The following IGFBP7 variants were observed in gnomAD, a reference collection of about 807,000 sequenced individuals.
IGFBP7 encodes insulin like growth factor binding protein 7.
In IGFBP7, 31 loss-of-function variants were observed where a neutral mutation model predicts 29.4. The observed-to-expected ratio is 1.05, with a 90% CI of 0.79 to 1.42. The LOEUF is 1.42. IGFBP7 is among the 40% of genes most tolerant of loss of function. The pLI, the probability that IGFBP7 is intolerant of heterozygous loss-of-function variation, is 0.00. For synonymous variants in IGFBP7, 172 were observed against 174.9 expected (o/e 0.98, Z 0.13); for missense variants, 393 against 395.5 (o/e 0.99, Z 0.05).
Position 57,110,213 on chromosome 4 carries a change from C to T in IGFBP7, c.139G>A (p.Gly47Ser). Residue 47 changes from glycine (G) to serine (S), a missense_variant, in exon 1 of 5, where the codon GGC becomes AGC. Transcript: ENST00000295666. ...PASCPPLPPLGCLLGETRDAC... is the reference protein window; with the variant it reads ...PASCPPLPPLSCLLGETRDAC... ...TCGCGGGTCTCGCCCAGCAGGCAGC[C>T]CAGCGGGGGCAGGGGCGGGCAGGAG... 2 of 1,377,780 alleles carry T rather than the reference C, an allele frequency of 1.5e-6. No individual in the cohort carries two copies. The highest frequency in any genetic ancestry group is 1.9e-6 in the Non-Finnish European group (2 of 1,073,036). The allele number at this position is 1,377,780 out of a possible 1,614,324, so 85.3% of individuals were successfully genotyped here.
intron 1 of IGFBP7, among the ~76,000 whole-genome samples, chr4:57,066,530 A>G (rs1522608): frequency 0.64 from 96,681 of 152,112 alleles, 31,210 homozygotes; most frequent in Middle Eastern, 0.72. Flanking sequence ...CTAATTTATT[A>G]TGCAGTAGCA....
intron 1 of IGFBP7, among the ~76,000 whole-genome samples, chr4:57,082,785 T>C (rs535691845): frequency 1.9e-4 from 29 of 152,282 alleles, no homozygotes; most frequent in African/African-American, 6.7e-4. Flanking sequence ...TTCATACCTA[T>C]TAACATGCAA....
At chr4:57,043,460 A>C (rs1369196794) in intron 1 of IGFBP7, among the ~76,000 whole-genome samples, 1 of 152,210 alleles carries the variant, frequency 6.6e-6, no homozygotes, top group African/African-American at 2.4e-5. Flanking sequence ...ATCAGCATTC[A>C]AAGGACATAA....
chr4:57,095,914 A>G (rs1725750176), intron 1 of IGFBP7, among the ~76,000 whole-genome samples: 1 of 152,112 alleles, frequency 6.6e-6, no homozygotes, highest in African/African-American at 2.4e-5. Context: ...AGGGCACATA[A>G]TAAATCCACT....
At chr4:57,040,630 G>A (rs777236296) in intron 2 of IGFBP7, among the ~76,000 whole-genome samples, 194 bp downstream of exon 2, 16 of 152,232 alleles carry the variant, frequency 1.1e-4, no homozygotes, top group Admixed American at 8.5e-4. Flanking sequence ...CTAGGATGCT[G>A]CTAACAAAAG....
At chr4:57,055,499 T>G in intron 1 of IGFBP7, among the ~76,000 whole-genome samples, 2 of 151,664 alleles carry the variant, frequency 1.3e-5, no homozygotes. Context: ...TTTTGGGGAG[T>G]GAGAGGCCAA....
chr4:57,065,959 C>G (rs1724912405), intron 1 of IGFBP7, among the ~76,000 whole-genome samples: 1 of 152,186 alleles, frequency 6.6e-6, no homozygotes, highest in Non-Finnish European at 1.5e-5. Context: ...TCCCTACCCC[C>G]ATCTCCAGCC....
chr4:57,107,068 G>A (rs1296301482), intron 1 of IGFBP7, among the ~76,000 whole-genome samples: 1 of 152,202 alleles, frequency 6.6e-6, no homozygotes, highest in Non-Finnish European at 1.5e-5. Flanking sequence ...GGTAAGTGGT[G>A]ATCTTAGAAA....
chr4:57,084,444 T>G (rs1431378495), intron 1 of IGFBP7, among the ~76,000 whole-genome samples: 2 of 152,216 alleles, frequency 1.3e-5, no homozygotes, highest in Non-Finnish European at 2.9e-5. Context: ...TATACAGACT[T>G]GAACATTTTG....
chr4:57,105,573 A>G (rs1186089922), intron 1 of IGFBP7, among the ~76,000 whole-genome samples: 1 of 152,204 alleles, frequency 6.6e-6, no homozygotes, highest in African/African-American at 2.4e-5. Flanking sequence ...TGACAACCCT[A>G]TGAGATAGAT....
In IGFBP7 at chr4:57,068,973, A is replaced by G. The variant is rs531921970; in HGVS notation, c.476-28040T>C. 5.9e-5 allele frequency among the ~76,000 whole-genome samples: 9 copies of G among 152,276 alleles called. No individual in the cohort carries two copies. The East Asian group carries it at 1.7e-3, about 29-fold the overall frequency. On this transcript the variant is annotated intron_variant, in intron 1 of 4. Coordinates refer to ENST00000295666, the MANE Select transcript of IGFBP7 (RefSeq NM_001553.3). ...TCTGAAGGACACGAGAGAAATGTGA[A>G]AGTGGTAAGGAAGCCTTTCTGGCCA...
chr4:57,108,080 T>C (rs1281376015), intron 1 of IGFBP7, among the ~76,000 whole-genome samples: 1 of 152,254 alleles, frequency 6.6e-6, no homozygotes, highest in South Asian at 2.1e-4. Flanking sequence ...CGCACATTTA[T>C]CTTTTCATGA....
At position 57,031,327 on chromosome 4, in the gene IGFBP7, G is replaced by A; in HGVS notation, c.839C>T (p.Ala280Val). The change falls in exon 5 of 5, where the codon GCC (alanine) becomes GTC (valine). Residue 280 changes from alanine (A) to valine (V), a missense_variant. Ala to Val is a moderately conservative substitution (Grantham distance 64). Transcript: ENST00000295666. ...TAATATTCTGGAGGTTTATAGCTCG[G>A]CACCTTCACCTGTTTAAAAAAAAAA... ...HEIPVKKGEG[A>V]EL is the part of the protein sequence containing the mutation. 1 of 1,605,306 alleles carries A rather than the reference G, an allele frequency of 6.2e-7. No homozygotes were observed.
intron 1 of IGFBP7, among the ~76,000 whole-genome samples, chr4:57,087,112 C>A (rs4242004): frequency 0.55 from 83,907 of 152,040 alleles, 24,444 homozygotes; most frequent in Middle Eastern, 0.65. Flanking sequence ...TTAACGGTAA[C>A]CCCCTGGAAA....
At chr4:57,089,909 A>C (rs1725593531) in intron 1 of IGFBP7, among the ~76,000 whole-genome samples, 1 of 152,220 alleles carries the variant, frequency 6.6e-6, no homozygotes, top group Admixed American at 6.5e-5. Flanking sequence ...TGAGGTGCAG[A>C]AGCCTTCTTG....
At position 57,079,199 on chromosome 4, in the gene IGFBP7, G is replaced by GTT. The variant is rs566779312; in HGVS notation, c.475+30676_475+30677dup. On this transcript the variant is annotated intron_variant, in intron 1 of 4. Coordinates refer to ENST00000295666, the MANE Select transcript of IGFBP7 (RefSeq NM_001553.3). ...AAACACGATCGTTTCTTCAAGCGAG[G>GTT]TTTATGTTGTCTTGTGATTTCCCTT... Among the ~76,000 whole-genome samples, 255 of 152,094 alleles carry GTT rather than the reference G, an allele frequency of 1.7e-3. 1 individual carries two copies. The highest frequency in any genetic ancestry group is 5.9e-3 in the African/African-American group (244 of 41,486).
chr4:57,090,446 C>T (rs1725611036), intron 1 of IGFBP7, among the ~76,000 whole-genome samples: 1 of 152,108 alleles, frequency 6.6e-6, no homozygotes, highest in Non-Finnish European at 1.5e-5. Flanking sequence ...ATAAAGTCTC[C>T]CCAGAGCACT....
chr4:57,037,652 G>A (rs537238005), intron 2 of IGFBP7, among the ~76,000 whole-genome samples: 2 of 152,254 alleles, frequency 1.3e-5, no homozygotes, highest in Admixed American at 6.5e-5. Context: ...CGAGGCAGAC[G>A]TATTCCTCTG....
intron 1 of IGFBP7, among the ~76,000 whole-genome samples, chr4:57,076,473 C>T (rs1725229415): frequency 1.3e-5 from 2 of 152,206 alleles, no homozygotes; most frequent in African/African-American, 4.8e-5. Context: ...ATGCAACCTC[C>T]CTGACATCAG....
Sources: gnomAD v4.1 joint callset for allele counts (sites outside exome capture counted in the v4.1 genomes callset) on GRCh38, gnomAD v4.1.1 for gene constraint, MANE v1.5 for transcripts, NCBI Gene and HGNC (gene_info 2026-07-23, HGNC 2026-07-21) for gene names.